Variants in GALNT14 observed in about 807,000 individuals in gnomAD.
The protein encoded by GALNT14 is UDP-GalNAc:polypeptide N-acetylgalactosaminyltransferase 14.
GALNT14 carries 60 observed loss-of-function variants against 77.5 expected under a neutral mutation model. The ratio of observed to expected loss-of-function variants is 0.77; its 90% CI spans 0.63 to 0.96. The LOEUF (loss-of-function observed/expected upper bound fraction) is 0.96, where lower values mean the gene tolerates loss of function less well. GALNT14 is among the 40% of genes least tolerant of loss of function. GALNT14 has a pLI of 0.00. For synonymous variants in GALNT14, 280 were observed against 281.7 expected, an observed-to-expected ratio of 0.99 and a Z score of 0.06; for missense variants, 710 against 731.0, an observed-to-expected ratio of 0.97 and a Z score of 0.33.
intron 1 of GALNT14, among the ~76,000 whole-genome samples, chr2:31,108,738 C>A (rs1037991572): frequency 6.6e-6 from 1 of 152,212 alleles, no homozygotes; most frequent in African/African-American, 2.4e-5. Context: ...AAGCATTAAT[C>A]ATATGCATGC....
chr2:31,090,275 A>G (rs1024596877), intron 1 of GALNT14, among the ~76,000 whole-genome samples: 2 of 152,224 alleles, frequency 1.3e-5, no homozygotes, highest in African/African-American at 4.8e-5. Flanking sequence ...AGCTCTGACG[A>G]TAACACTAGG....
At chr2:30,951,536 A>C (rs1309664694) in intron 6 of GALNT14, among the ~76,000 whole-genome samples, 4 of 152,226 alleles carry the variant, frequency 2.6e-5, no homozygotes, top group Non-Finnish European at 4.4e-5. Context: ...AAAATTAAGC[A>C]GTGGTGATTA....
In GALNT14 at chr2:31,105,366, G is replaced by A. The variant is rs566351635; in HGVS notation, c.129+32592C>T. ...TTTCTGGCAAGACAAGGTCTTTCAG[G>A]TTCATTTTATACTTTTTCTGCCCTA... On this transcript the variant is annotated intron_variant, in intron 1 of 14. Transcript: ENST00000349752. 4.6e-5 allele frequency among the ~76,000 whole-genome samples: 7 copies of A among 152,220 alleles called. No homozygotes were observed. In the East Asian group the frequency reaches 1.2e-3, roughly 25 times the overall value.
chr2:31,069,344 G>A (rs142460864), intron 1 of GALNT14, among the ~76,000 whole-genome samples: 1 of 152,320 alleles, frequency 6.6e-6, no homozygotes, highest in East Asian at 1.9e-4. Context: ...TGTACACACA[G>A]GTTAGACAGT....
At chr2:31,012,862 C>T (rs971421590) in intron 1 of GALNT14, among the ~76,000 whole-genome samples, 3 of 152,062 alleles carry the variant, frequency 2.0e-5, no homozygotes, top group Admixed American at 2.0e-4. Flanking sequence ...ATTACCCAAA[C>T]GTGCTTCATG....
intron 1 of GALNT14, among the ~76,000 whole-genome samples, chr2:31,000,713 G>A (rs1023356419): frequency 2.0e-5 from 3 of 152,086 alleles, no homozygotes; most frequent in African/African-American, 7.2e-5. Flanking sequence ...ATTATGGAAG[G>A]CAGCCTGCTT....
chr2:31,019,856 C>T (rs1671606786), intron 1 of GALNT14, among the ~76,000 whole-genome samples: 1 of 152,188 alleles, frequency 6.6e-6, no homozygotes, highest in South Asian at 2.1e-4. Context: ...TGAAAGGATA[C>T]TGTAAAAGTG....
intron 3 of GALNT14, among the ~76,000 whole-genome samples, chr2:30,964,809 TG>T (rs1667896464): frequency 6.6e-6 from 1 of 152,164 alleles, no homozygotes; most frequent in African/African-American, 2.4e-5. Context: ...GCTGAAGATT[TG>T]GTGCCTTCCC....
At chr2:30,996,062 C>T (rs141662973) in intron 1 of GALNT14, among the ~76,000 whole-genome samples, 6 of 152,280 alleles carry the variant, frequency 3.9e-5, no homozygotes, top group East Asian at 1.9e-4. Context: ...GGGCCACCAA[C>T]GCTGGGGAGG....
intron 2 of GALNT14, chr2:30,991,232 TAGG>T (rs993752438): frequency 3.9e-5 from 6 of 152,018 alleles, no homozygotes; most frequent in Non-Finnish European, 8.8e-5. Flanking sequence ...CTTTCCTGGC[TAGG>T]AGAACTCCCT....
At chr2:31,120,885 T>C (rs1201534914) in intron 1 of GALNT14, among the ~76,000 whole-genome samples, 1 of 152,244 alleles carries the variant, frequency 6.6e-6, no homozygotes, top group Non-Finnish European at 1.5e-5. Context: ...CTCTTTGTTT[T>C]AAACTTGGTG....
At chr2:30,946,151 G>A (rs1573012296) in intron 6 of GALNT14, among the ~76,000 whole-genome samples, 2 of 152,186 alleles carry the variant, frequency 1.3e-5, no homozygotes. Context: ...GAGGCTGGCT[G>A]GAGAGTATTG....
intron 1 of GALNT14, among the ~76,000 whole-genome samples, chr2:31,073,338 T>A (rs1420086382): frequency 3.3e-5 from 5 of 152,234 alleles, no homozygotes. Flanking sequence ...GTTGACTATA[T>A]GCAGATATTG....
rs1353637379 is a variant in GALNT14 at position 30,955,946 on chromosome 2, G to A, written c.498C>T (p.Pro166=). ...CATTATTGCGCAAGCATTTCACCTT[G>A]GGCAACTTGATGAGCTGTTTACAGT... ...PDDCKQLIKL[P]KVKCLRNNER... Residue 166 remains proline, a synonymous_variant, in exon 5 of 15, where the codon CCC becomes CCT. Coordinates refer to ENST00000349752, the MANE Select transcript of GALNT14 (RefSeq NM_024572.4). 2 of 1,614,098 alleles carry A rather than the reference G, an allele frequency of 1.2e-6. No homozygotes were observed. The highest frequency in any genetic ancestry group is 1.3e-5 in the African/African-American group (1 of 75,046).
At chr2:31,122,573 T>G (rs999277968) in intron 1 of GALNT14, among the ~76,000 whole-genome samples, 16 of 152,200 alleles carry the variant, frequency 1.1e-4, no homozygotes, top group African/African-American at 3.9e-4. Flanking sequence ...TTTGAATCAG[T>G]AGGTCTGAAA....
At chr2:30,926,947 G>A (rs1302476984) in intron 11 of GALNT14, among the ~76,000 whole-genome samples, 1 of 152,194 alleles carries the variant, frequency 6.6e-6, no homozygotes, top group African/African-American at 2.4e-5. Flanking sequence ...CATGGATTAT[G>A]AGCAATGTTG....
At chr2:31,058,452 C>T (rs1372801981) in intron 1 of GALNT14, among the ~76,000 whole-genome samples, 1 of 152,090 alleles carries the variant, frequency 6.6e-6, no homozygotes, top group Non-Finnish European at 1.5e-5. Context: ...TTAGTAAACA[C>T]ACCTAGGACA....
chr2:30,914,086 G>C (rs921288339), intron 13 of GALNT14, among the ~76,000 whole-genome samples: 11 of 152,332 alleles, frequency 7.2e-5, no homozygotes, highest in Middle Eastern at 3.4e-3. Context: ...GCTAATAAGA[G>C]CTGACATTTA....
chr2:31,053,000 C>T (rs993902758), intron 1 of GALNT14, among the ~76,000 whole-genome samples: 1 of 152,174 alleles, frequency 6.6e-6, no homozygotes, highest in East Asian at 1.9e-4. Context: ...GTCCCAGTTC[C>T]TCACAGCTGG....
Sources: gnomAD v4.1 joint callset for allele counts (sites outside exome capture counted in the v4.1 genomes callset) on GRCh38, gnomAD v4.1.1 for gene constraint, MANE v1.5 for transcripts, NCBI Gene and HGNC (gene_info 2026-07-23, HGNC 2026-07-21) for gene names.